Variants in ANO3 observed in about 807,000 individuals in gnomAD.
The protein encoded by ANO3 is anoctamin-3.
Under a neutral mutation model 144.8 loss-of-function variants are expected in ANO3, and 99 were observed. The observed-to-expected ratio is 0.68, with a 90% CI of 0.58 to 0.81. The LOEUF (loss-of-function observed/expected upper bound fraction) is 0.81. Among genes scored for constraint, ANO3 ranks in the 30% least tolerant of loss-of-function variants. The pLI is 0.00. For synonymous variants in ANO3, 414 were observed against 392.6 expected (o/e 1.05, Z -0.64); for missense variants, 905 against 1,202.2 (o/e 0.75, Z 3.66).
intron 1 of ANO3, among the ~76,000 whole-genome samples, chr11:26,199,048 G>A (rs866064376): frequency 6.6e-6 from 1 of 152,008 alleles, no homozygotes; most frequent in Non-Finnish European, 1.5e-5. Context: ...CTAATTAATA[G>A]CATTGGCCAG....
chr11:26,233,824 C>G (rs1803491585), intron 1 of ANO3, among the ~76,000 whole-genome samples: 1 of 152,146 alleles, frequency 6.6e-6, no homozygotes, highest in Non-Finnish European at 1.5e-5. Context: ...CCATCTTTCT[C>G]AGCAAATTAA....
chr11:26,485,367 T>TAA (rs1259463368), intron 4 of ANO3, among the ~76,000 whole-genome samples: 1 of 149,228 alleles, frequency 6.7e-6, no homozygotes, highest in East Asian at 2.0e-4. Flanking sequence ...GGTCTGGTTT[T>TAA]AAAAAAAAAA....
intron 20 of ANO3, among the ~76,000 whole-genome samples, chr11:26,636,385 A>G (rs1188333335): frequency 6.6e-6 from 1 of 152,234 alleles, no homozygotes; most frequent in African/African-American, 2.4e-5. Context: ...ATCTTTTACT[A>G]CAACTATATA....
intron 17 of ANO3, among the ~76,000 whole-genome samples, chr11:26,605,332 A>C (rs1332005893): frequency 6.6e-6 from 1 of 152,116 alleles, no homozygotes; most frequent in Admixed American, 6.5e-5. Context: ...TATTTTATTG[A>C]GGATTTTTGC....
intron 17 of ANO3, among the ~76,000 whole-genome samples, chr11:26,618,910 AATTTTGTGCTT>A (rs1315534480): frequency 6.6e-6 from 1 of 152,162 alleles, no homozygotes; most frequent in African/African-American, 2.4e-5. Flanking sequence ...TTTAGAATTG[AATTTTGTGCTT>A]ATTCTTCTCA....
intron 1 of ANO3, among the ~76,000 whole-genome samples, chr11:26,374,582 G>A (rs1052318508): frequency 1.3e-5 from 2 of 152,158 alleles, no homozygotes; most frequent in Admixed American, 6.5e-5. Flanking sequence ...TTTTCAGTAT[G>A]GCTTTTGAAA....
chr11:26,378,435 C>CATCT (rs201721681), intron 1 of ANO3, among the ~76,000 whole-genome samples: 1 of 142,912 alleles, frequency 7.0e-6, no homozygotes. Flanking sequence ...ATCTATCTAT[C>CATCT]ATCTATCTAT....
intron 3 of ANO3, among the ~76,000 whole-genome samples, chr11:26,455,876 A>T (rs1435774156): frequency 2.0e-5 from 3 of 151,772 alleles, no homozygotes; most frequent in African/African-American, 7.3e-5. Context: ...CAAAACAGAG[A>T]TATAGATCAA....
At chr11:26,543,031 C>A (rs1480013348) in intron 11 of ANO3, among the ~76,000 whole-genome samples, 2 of 152,010 alleles carry the variant, frequency 1.3e-5, no homozygotes, top group African/African-American at 4.8e-5. Flanking sequence ...AAGCCAGGGT[C>A]AAGGGAGACA....
intron 1 of ANO3, among the ~76,000 whole-genome samples, chr11:26,402,883 C>T (rs1402956541): frequency 1.3e-5 from 2 of 151,846 alleles, no homozygotes; most frequent in African/African-American, 2.4e-5. Context: ...CAGTGAGGAA[C>T]GTTTCTTTTC....
At chr11:26,227,745 C>A (rs1852285509) in intron 1 of ANO3, among the ~76,000 whole-genome samples, 1 of 152,256 alleles carries the variant, frequency 6.6e-6, no homozygotes, top group East Asian at 1.9e-4. Flanking sequence ...TTCTCTGAAG[C>A]CTTATACTCC....
rs373486128 is a variant in ANO3, at chr11:26,293,754, A to T, written c.155-15891A>T. Among the ~76,000 whole-genome samples, 3 of 151,906 alleles carry T rather than the reference A, an allele frequency of 2.0e-5. No homozygotes were observed. In the East Asian group the frequency reaches 5.8e-4, roughly 29 times the overall value. On this transcript the variant is annotated intron_variant, in intron 1 of 27. Coordinates refer to the ANO3 transcript ENST00000672621. ...ATTGAGCCACAGGGATAAAAAGGAC[A>T]TTAAACTTTCTTGGGCATCTACTTA...
chr11:26,633,888 G>A (rs943007790), intron 18 of ANO3, among the ~76,000 whole-genome samples: 36 of 151,700 alleles, frequency 2.4e-4, no homozygotes, highest in Non-Finnish European at 1.2e-4. Flanking sequence ...CCACCGTGGC[G>A]AACATGGTGA....
At chr11:26,416,681 T>A (rs1276148625) in intron 1 of ANO3, among the ~76,000 whole-genome samples, 1 of 151,982 alleles carries the variant, frequency 6.6e-6, no homozygotes, top group Non-Finnish European at 1.5e-5. Context: ...CACCTCGGCC[T>A]CCCAATAGTT....
chr11:26,610,308 A>ATTTTTTTT (rs34715952), intron 17 of ANO3, among the ~76,000 whole-genome samples: 1 of 130,308 alleles, frequency 7.7e-6, no homozygotes, highest in Non-Finnish European at 1.6e-5. Context: ...GATGTTGAGC[A>ATTTTTTTT]TTTTTTTTTT....
chr11:26,488,303 GA>G (rs1391142739), intron 4 of ANO3, among the ~76,000 whole-genome samples: 92 of 152,226 alleles, frequency 6.0e-4, no homozygotes, highest in Non-Finnish European at 1.1e-3. Flanking sequence ...GCTGGCTGCA[GA>G]AATTGCATAA....
At chr11:26,648,615 T>A (rs1237843889) in intron 24 of ANO3, among the ~76,000 whole-genome samples, 2 of 152,170 alleles carry the variant, frequency 1.3e-5, no homozygotes, top group Non-Finnish European at 2.9e-5. Context: ...ATGACCCAGT[T>A]TAGAACCACT....
chr11:26,527,020 A>G (rs1406075507), intron 7 of ANO3, among the ~76,000 whole-genome samples: 1 of 148,566 alleles, frequency 6.7e-6, no homozygotes, highest in Non-Finnish European at 1.5e-5. Context: ...TCAGTTTGCT[A>G]CTATAGAATT....
intron 1 of ANO3, among the ~76,000 whole-genome samples, chr11:26,439,929 G>A (rs1281649605): frequency 1.3e-5 from 2 of 152,026 alleles, no homozygotes; most frequent in Admixed American, 1.3e-4. Context: ...AACATTTTAT[G>A]TAATTTGCTT....
Sources: allele counts gnomAD v4.1 joint callset (sites outside exome capture counted in the v4.1 genomes callset), GRCh38; gene constraint gnomAD v4.1.1; transcripts MANE v1.5; gene names NCBI Gene and HGNC (gene_info 2026-07-23, HGNC 2026-07-21).